POF1B: variants seen among roughly 807,000 people sequenced by gnomAD.
POF1B encodes POF1B actin binding protein.
A neutral mutation model predicts 55.3 loss-of-function variants in POF1B; 53 were observed. The ratio of observed to expected loss-of-function variants is 0.96; its 90% CI spans 0.77 to 1.20. POF1B has a LOEUF of 1.20. POF1B is among the 50% of genes most tolerant of loss of function. The probability of loss-of-function intolerance (pLI) is 0.00; values close to 1 mark genes in which losing one functional copy is unlikely to be tolerated. For missense variants in POF1B, 478 were observed against 420.5 expected, an observed-to-expected ratio of 1.14 and a Z score of -1.20; for synonymous variants, 188 against 148.3, an observed-to-expected ratio of 1.27 and a Z score of -1.95.
intron 15 of POF1B, among the ~76,000 whole-genome samples, chrX:85,290,369 G>A (rs1158464070): frequency 4.5e-5 from 5 of 111,295 alleles, no homozygotes; most frequent in African/African-American, 1.6e-4. Context: ...ATGGGCACGT[G>A]GGTTGATTCC....
chrX:85,336,349 T>G (rs1933073796), intron 6 of POF1B, among the ~76,000 whole-genome samples: 1 of 111,077 alleles, frequency 9.0e-6, no homozygotes, highest in African/African-American at 3.3e-5. Context: ...GATCATATGG[T>G]AGCTCTATTT....
At chrX:85,360,301 C>G (rs1933581518) in intron 3 of POF1B, among the ~76,000 whole-genome samples, 1 of 106,261 alleles carries the variant, frequency 9.4e-6, no homozygotes, top group Non-Finnish European at 1.9e-5. Context: ...CTAATCCTCT[C>G]CCTCCCCCAA....
intron 8 of POF1B, among the ~76,000 whole-genome samples, chrX:85,315,140 C>T (rs1264530769): frequency 1.1e-4 from 12 of 111,286 alleles, no homozygotes. Context: ...ATTAAAAACA[C>T]TAAAGAGGGA....
intron 4 of POF1B, among the ~76,000 whole-genome samples, chrX:85,351,933 G>T (rs1933399288): frequency 2.7e-5 from 3 of 110,479 alleles, no homozygotes; most frequent in African/African-American, 9.8e-5. Flanking sequence ...AACTCAATTT[G>T]AGTGCCCTTG....
At chrX:85,367,655 G>T in intron 3 of POF1B, 37 bp downstream of exon 3, 1 of 1,030,971 alleles carries the variant, frequency 9.7e-7, no homozygotes, top group Non-Finnish European at 1.4e-6. Flanking sequence ...ATATAAAAAA[G>T]AGGAACAAAT....
At chrX:85,283,471 C>T (rs1468775455) in intron 15 of POF1B, among the ~76,000 whole-genome samples, 2 of 108,962 alleles carry the variant, frequency 1.8e-5, no homozygotes, top group Non-Finnish European at 3.8e-5. Flanking sequence ...CACTGCATTA[C>T]AAAAAGACCG....
chrX:85,327,236 C>G (rs1018889289), intron 7 of POF1B, among the ~76,000 whole-genome samples: 5 of 111,224 alleles, frequency 4.5e-5, no homozygotes, highest in Non-Finnish European at 9.4e-5. Context: ...CTCACTCCTT[C>G]CCGAGGAGTT....
intron 5 of POF1B, among the ~76,000 whole-genome samples, chrX:85,348,504 G>A (rs1933315771): frequency 9.1e-6 from 1 of 110,397 alleles, no homozygotes; most frequent in African/African-American, 3.3e-5. Context: ...CTAAGAGCTA[G>A]TCCTATTTGA....
At chrX:85,340,363 C>A (rs760781684) in intron 6 of POF1B, among the ~76,000 whole-genome samples, 5 of 110,906 alleles carry the variant, frequency 4.5e-5, no homozygotes, top group Non-Finnish European at 7.6e-5. Flanking sequence ...CATTGCTGAA[C>A]TGGCTGACAA....
intron 12 of POF1B, 63 bp from the exon 13 acceptor site, chrX:85,305,973 C>T: frequency 8.9e-7 from 1 of 1,127,794 alleles, no homozygotes; most frequent in Non-Finnish European, 1.2e-6. Flanking sequence ...TGTTATGTTA[C>T]AAGGATTGTT....
intron 15 of POF1B, among the ~76,000 whole-genome samples, chrX:85,294,711 CAGGA>C (rs1382019675): frequency 4.5e-5 from 5 of 111,311 alleles, no homozygotes; most frequent in African/African-American, 1.6e-4. Context: ...ATTTTGGTAT[CAGGA>C]TAATGCTGGC....
At chrX:85,317,930 G>A (rs923416063) in intron 7 of POF1B, among the ~76,000 whole-genome samples, 1 of 111,716 alleles carries the variant, frequency 9.0e-6, no homozygotes, top group Admixed American at 9.5e-5. Context: ...GGACATGGAT[G>A]GAGCTGGAGG....
chrX:85,304,236 G>C lies in POF1B; in HGVS notation c.1566+107C>G, dbSNP rs1259208857. Reference sequence around the variant, plus strand: ...TACATTTTATTTCATTAAATAAAGTGACTCTTGGATATGTGTCCTTTTCTA... The same window carrying C: ...TACATTTTATTTCATTAAATAAAGTCACTCTTGGATATGTGTCCTTTTCTA... On this transcript the variant is annotated intron_variant, in intron 14 of 16. Coordinates refer to ENST00000262753, the MANE Select transcript of POF1B (RefSeq NM_024921.4). 5 of 786,708 alleles carry C rather than the reference G, an allele frequency of 6.4e-6. No individual in the cohort carries two copies. In the African/African-American group the frequency reaches 1.1e-4, roughly 17 times the overall value. 64.8% of individuals were successfully genotyped at this position (786,708 alleles called of 1,213,427 possible).
At chrX:85,281,916 G>A (rs1475966565) in intron 16 of POF1B, among the ~76,000 whole-genome samples, 9 of 109,608 alleles carry the variant, frequency 8.2e-5, no homozygotes, top group Non-Finnish European at 1.1e-4. Context: ...AATAACTACC[G>A]AGCTAGGCAA....
chrX:85,333,752 T>C (rs1156299680), intron 6 of POF1B, among the ~76,000 whole-genome samples: 2 of 111,157 alleles, frequency 1.8e-5, no homozygotes, highest in African/African-American at 6.5e-5. Context: ...TGGAGGCTGG[T>C]ATTTGAATTC....
At chrX:85,365,081 G>T (rs1187723489) in intron 3 of POF1B, among the ~76,000 whole-genome samples, 2 of 111,259 alleles carry the variant, frequency 1.8e-5, no homozygotes, top group Non-Finnish European at 3.8e-5. Context: ...AATTCTTCTA[G>T]TGTGTTTTTT....
chrX:85,375,246 A>C (rs766598698), intron 2 of POF1B, among the ~76,000 whole-genome samples: 88 of 112,249 alleles, frequency 7.8e-4, no homozygotes, highest in Non-Finnish European at 1.4e-3. Flanking sequence ...TATTAATAAA[A>C]GTTTTAACTT....
intron 6 of POF1B, among the ~76,000 whole-genome samples, chrX:85,337,432 C>T (rs1302108512): frequency 6.3e-5 from 7 of 111,775 alleles, no homozygotes; most frequent in African/African-American, 2.3e-4. Flanking sequence ...CATTCAGGTA[C>T]TGTGATCACT....
In POF1B at chrX:85,306,319, G is replaced by T. The variant is rs1485948536; in HGVS notation, c.1179C>A (p.Asp393Glu). ...CCAATGCCTGGCATTTTGAACTTGA[G>T]TCTTGAAGTCCTTGCTGTAAAGAAG... ...NNHQQQQGLQ[D>E]SSSKCQALEE... is the part of the protein sequence containing the mutation. The change falls in exon 12 of 17, where the codon GAC becomes GAA. Residue 393 changes from aspartate to glutamate, a missense_variant. By Grantham distance (45) the Asp-to-Glu change is conservative (BLOSUM62 2). Coordinates refer to ENST00000262753, the MANE Select transcript of POF1B (RefSeq NM_024921.4). 5 of 1,207,697 alleles carry T rather than the reference G, an allele frequency of 4.1e-6. No individual in the cohort carries two copies. The highest frequency in any genetic ancestry group is 5.6e-6 in the Non-Finnish European group (5 of 893,629).
Sources: allele counts gnomAD v4.1 joint callset (sites outside exome capture counted in the v4.1 genomes callset), GRCh38; gene constraint gnomAD v4.1.1; transcripts MANE v1.5; gene names NCBI Gene and HGNC (gene_info 2026-07-23, HGNC 2026-07-21).